Variants in TCAF1 observed in about 807,000 individuals in gnomAD.
TCAF1 encodes TRPM8 channel associated factor 1, also known as TRPM8 channel-associated factor 1.
In TCAF1, 4 loss-of-function variants were observed where a neutral mutation model predicts 27.3. That is an observed-to-expected ratio of 0.15 (90% CI 0.07 to 0.34). The LOEUF (loss-of-function observed/expected upper bound fraction) is 0.34. Among genes scored for constraint, TCAF1 ranks in the 10% least tolerant of loss-of-function variants. The pLI is 1.00. For synonymous variants in TCAF1, 105 were observed against 167.1 expected (o/e 0.63, Z 2.87); for missense variants, 257 against 425.8 (o/e 0.60, Z 3.49).
intron 1 of TCAF1, among the ~76,000 whole-genome samples, chr7:143,877,146 G>A (rs929840577): frequency 5.9e-5 from 9 of 152,212 alleles, no homozygotes; most frequent in Admixed American, 2.6e-4. Context: ...CAGGAGCTAA[G>A]TGAGAGGCCG....
chr7:143,890,206 GT>G (rs1176082694), intron 1 of TCAF1, among the ~76,000 whole-genome samples: 3 of 151,792 alleles, frequency 2.0e-5, no homozygotes, highest in South Asian at 2.1e-4. Context: ...GTTTCACCAT[GT>G]TAGCCAGGAT....
At chr7:143,885,060 G>A in intron 1 of TCAF1, 1 of 985,332 alleles carries the variant, frequency 1.0e-6, no homozygotes, top group Non-Finnish European at 1.2e-6. Context: ...CCCCGCGTGC[G>A]CCCCCCTCGG....
At chr7:143,887,899 A>G (rs999706462) in intron 1 of TCAF1, among the ~76,000 whole-genome samples, 3 of 152,336 alleles carry the variant, frequency 2.0e-5, no homozygotes, top group African/African-American at 7.2e-5. Context: ...GGTGAAACTA[A>G]TATTTGATAT....
chr7:143,891,492 G>A (rs1813633220), intron 1 of TCAF1, among the ~76,000 whole-genome samples: 1 of 152,060 alleles, frequency 6.6e-6, no homozygotes, highest in Admixed American at 6.5e-5. Flanking sequence ...GTACTTAATA[G>A]ATTGCTTTAA....
rs540294594 is a variant in TCAF1 at position 143,891,527 on chromosome 7, G to C, written c.-15+10434C>G. 2.0e-5 allele frequency among the ~76,000 whole-genome samples: 3 copies of C among 152,064 alleles called. No homozygotes were observed. The South Asian group carries it at 6.2e-4, about 32-fold the overall frequency. ...ATAGCATATTAGACACAAAAGACCA[G>C]AGAATTGGTGAAGTATAGCAAAGGT... On this transcript the variant is annotated intron_variant, in intron 1 of 8. Transcript: ENST00000479870.
Position 143,860,213 on chromosome 7 carries a change from GA to G in TCAF1, c.2161del (p.Ser721GlnfsTer95), listed in dbSNP as rs1811950841. On this transcript the variant is annotated frameshift_variant, in exon 6 of 9. Coordinates refer to ENST00000479870, the MANE Select transcript of TCAF1 (RefSeq NM_014719.3). LOFTEE classifies it high-confidence loss of function. ...GGTTTGCTTGGAGCACCCACCCACT[GA>G]GATCTGCACGTCGGCAACAATCCTC... Reference protein sequence around the residue: ...PQRIVADVQISVGWMHAGYPI... With the variant: ...PQRIVADVQIXVGWMHAGYPI... The G allele has an allele frequency of 3.6e-6, 1 of 275,414 alleles. No homozygotes were observed. Among genetic ancestry groups the G allele is most frequent in the South Asian group, 2.6e-5 (1 of 38,622 alleles). 17.1% of individuals were successfully genotyped at this position (275,414 alleles called of 1,614,324 possible). A position where few individuals can be genotyped will look rare whatever the true frequency, so the allele number is the denominator to read the frequency against.
chr7:143,887,635 T>A (rs1813471857), intron 1 of TCAF1, among the ~76,000 whole-genome samples: 1 of 152,202 alleles, frequency 6.6e-6, no homozygotes. Context: ...AGTCTAAAAC[T>A]GGAAACTACT....
intron 1 of TCAF1, chr7:143,882,391 G>C (rs1306755714): frequency 2.0e-6 from 2 of 985,288 alleles, no homozygotes; most frequent in African/African-American, 3.5e-5. Context: ...CGACAAAGCA[G>C]CGGATTAGAC....
At chr7:143,889,074 A>G (rs1302616360) in intron 1 of TCAF1, among the ~76,000 whole-genome samples, 1 of 152,216 alleles carries the variant, frequency 6.6e-6, no homozygotes, top group Non-Finnish European at 1.5e-5. Flanking sequence ...AGTTGAAGAA[A>G]GAATTACTGA....
At chr7:143,880,428 T>G (rs1812952640) in intron 1 of TCAF1, among the ~76,000 whole-genome samples, 1 of 152,214 alleles carries the variant, frequency 6.6e-6, no homozygotes, top group Non-Finnish European at 1.5e-5. Context: ...GGCTTTTATA[T>G]GCATTGAAAA....
At chr7:143,883,500 C>A (rs377019973) in intron 1 of TCAF1, among the ~76,000 whole-genome samples, 1 of 98,078 alleles carries the variant, frequency 1.0e-5, no homozygotes, top group Non-Finnish European at 1.9e-5. Flanking sequence ...TTTCCTTTTT[C>A]TTTTTTTTTT....
intron 1 of TCAF1, among the ~76,000 whole-genome samples, chr7:143,883,291 T>C (rs1018365078): frequency 2.6e-5 from 4 of 152,254 alleles, no homozygotes; most frequent in Middle Eastern, 3.4e-3. Context: ...ATTTGTATTA[T>C]GGTGGGGAGA....
chr7:143,876,604 G>C lies in TCAF1; in HGVS notation c.5C>G (p.Ala2Gly). 6.6e-7 allele frequency: 1 copy of C among 1,504,920 alleles called. No homozygotes were observed. The highest frequency in any genetic ancestry group is 2.3e-5 in the Admixed American group (1 of 43,784). The allele number at this position is 1,504,920 out of a possible 1,614,324, so 93.2% of individuals were successfully genotyped here. A position where few individuals can be genotyped will look rare whatever the true frequency, so the allele number is the denominator to read the frequency against. ...GGCCTCGAAGGCAGCAGAGGGAGTC[G>C]CCATGGCTCTATTGGTTTCTGCAGA... is the stretch of plus-strand genomic sequence containing the variant. M[A>G]TPSAAFEALM... Residue 2 changes from alanine (A) to glycine (G), a missense_variant, in exon 2 of 9, where the codon GCG becomes GGG. By Grantham distance (60) the Ala-to-Gly change is moderately conservative. This residue lies in a region of TCAF1 where 255 missense variants were observed against 260.1 expected (regional missense o/e 0.98). Coordinates refer to ENST00000479870, the MANE Select transcript of TCAF1 (RefSeq NM_014719.3).
chr7:143,878,387 T>C (rs925071771), intron 1 of TCAF1, among the ~76,000 whole-genome samples: 1 of 152,222 alleles, frequency 6.6e-6, no homozygotes, highest in Admixed American at 6.5e-5. Flanking sequence ...TAATTACTAT[T>C]ACATTCATTT....
intron 1 of TCAF1, chr7:143,885,321 G>A (rs1402537866): frequency 1.0e-5 from 10 of 985,520 alleles, no homozygotes; most frequent in Non-Finnish European, 1.2e-5. Flanking sequence ...TGGTAGTGAA[G>A]TGGCTAGGAG....
chr7:143,896,137 A>T (rs1040207082), intron 1 of TCAF1, among the ~76,000 whole-genome samples: 3 of 151,908 alleles, frequency 2.0e-5, no homozygotes, highest in African/African-American at 7.2e-5. Flanking sequence ...CTACATATAT[A>T]TTTAAAACAG....
chr7:143,886,839 G>A (rs111235705), intron 1 of TCAF1, among the ~76,000 whole-genome samples: 11 of 148,756 alleles, frequency 7.4e-5, no homozygotes, highest in African/African-American at 1.5e-4. Context: ...ACAGATGTGC[G>A]CGCCATCATG....
At position 143,859,888 on chromosome 7, in the gene TCAF1, TA is replaced by T. The variant is rs1811800121; in HGVS notation, c.2167+319del. Among the ~76,000 whole-genome samples the T allele has an allele frequency of 4.1e-4, 26 of 64,022 alleles. 3 individuals are homozygous for T. Among genetic ancestry groups the T allele is most frequent in the Middle Eastern group, 6.9e-3 (1 of 144 alleles). The allele number at this position is 64,022 out of a possible 152,430, so 42.0% of individuals were successfully genotyped here. ...ACACATATACATATATACATATATATAATATATATTATATAATATATATTAC... is the reference window on the plus strand; with the variant it reads ...ACACATATACATATATACATATATATATATATATTATATAATATATATTAC... On this transcript the variant is annotated intron_variant, in intron 6 of 8. Transcript: ENST00000479870.
chr7:143,881,339 T>A (rs1813009101), intron 1 of TCAF1, among the ~76,000 whole-genome samples: 1 of 152,220 alleles, frequency 6.6e-6, no homozygotes, highest in Non-Finnish European at 1.5e-5. Context: ...CTAGCTAGCC[T>A]GACCTCGAAA....
Sources: gnomAD v4.1 joint callset for allele counts (sites outside exome capture counted in the v4.1 genomes callset) on GRCh38, gnomAD v4.1.1 for gene constraint, gnomAD v4.1.1 regional missense constraint, MANE v1.5 for transcripts, NCBI Gene and HGNC (gene_info 2026-07-23, HGNC 2026-07-21) for gene names.